The following CADPS variants were observed in gnomAD, a reference collection of about 807,000 sequenced individuals.
The protein encoded by CADPS is calcium dependent secretion activator.
In CADPS, 57 loss-of-function variants were observed where a neutral mutation model predicts 167.3. The observed-to-expected ratio is 0.34, with a 90% confidence interval of 0.28 to 0.42. CADPS has a LOEUF of 0.42. Ranked by LOEUF, CADPS falls within the 20% of genes least tolerant of loss-of-function variation. The probability of loss-of-function intolerance (pLI) is 1.00; values close to 1 mark genes in which losing one functional copy is unlikely to be tolerated. For missense variants in CADPS, 1,414 were observed against 1,738.1 expected (o/e 0.81, Z 3.32); for synonymous variants, 676 against 635.3 (o/e 1.06, Z -0.96).
intron 3 of CADPS, among the ~76,000 whole-genome samples, chr3:62,707,037 C>T (rs955909323): frequency 1.3e-5 from 2 of 152,056 alleles, no homozygotes; most frequent in African/African-American, 4.8e-5. Flanking sequence ...ATTCTATTAC[C>T]GGAAGTTAGG....
chr3:62,841,911 T>A (rs1177564213), intron 1 of CADPS, among the ~76,000 whole-genome samples: 3 of 152,206 alleles, frequency 2.0e-5, no homozygotes, highest in African/African-American at 7.2e-5. Flanking sequence ...AAGATTTTCT[T>A]CAAGTGAAAG....
chr3:62,762,656 C>CA (rs35231096), intron 2 of CADPS, among the ~76,000 whole-genome samples: 7,389 of 52,794 alleles, frequency 0.14, 340 homozygotes, highest in Middle Eastern at 0.18. Context: ...AACCCGGACT[C>CA]AAAAAAAAAA....
intron 1 of CADPS, chr3:62,779,131 G>A (rs536218849): frequency 2.8e-5 from 5 of 176,830 alleles, no homozygotes; most frequent in Middle Eastern, 5.8e-4. Context: ...CAGGTGATCC[G>A]CCTACCTCGG....
chr3:62,857,247 T>C (rs1014264142), intron 1 of CADPS, among the ~76,000 whole-genome samples: 2 of 152,000 alleles, frequency 1.3e-5, no homozygotes, highest in Non-Finnish European at 2.9e-5. Flanking sequence ...AAATAACGCA[T>C]CGAGTTGGCA....
chr3:62,805,055 G>T (rs114439787), intron 1 of CADPS, among the ~76,000 whole-genome samples: 123 of 152,288 alleles, frequency 8.1e-4, no homozygotes, highest in African/African-American at 2.9e-3. Context: ...ATAATTCTTT[G>T]TTGTGGGTGG....
intron 1 of CADPS, among the ~76,000 whole-genome samples, chr3:62,855,429 C>T (rs2079491930): frequency 6.6e-6 from 1 of 151,912 alleles, no homozygotes; most frequent in Admixed American, 6.6e-5. Flanking sequence ...ACTATGTTAT[C>T]ATGCCATGAT....
intron 6 of CADPS, among the ~76,000 whole-genome samples, chr3:62,628,879 C>T (rs1033892135): frequency 2.6e-5 from 4 of 152,084 alleles, no homozygotes; most frequent in African/African-American, 9.7e-5. Context: ...CCCGCCTCAG[C>T]CTCCCAAAGT....
chr3:62,655,651 G>A lies in CADPS; in HGVS notation c.970-4571C>T, dbSNP rs530832305. On this transcript the variant is annotated intron_variant, in intron 4 of 29. Transcript: ENST00000383710. ...GATGAATGGGGTATGTATAAATGAT[G>A]ACAAGGCTGCCCCCCTTCAGAGTGA... 2.0e-5 allele frequency among the ~76,000 whole-genome samples: 3 copies of A among 152,256 alleles called. No homozygotes were observed. The East Asian group carries it at 5.8e-4, about 29-fold the overall frequency.
chr3:62,861,971 C>T (rs936540930), intron 1 of CADPS, among the ~76,000 whole-genome samples: 1 of 151,874 alleles, frequency 6.6e-6, no homozygotes, highest in African/African-American at 2.4e-5. Context: ...GTTCAAATAC[C>T]ACTTCTTCCA....
intron 1 of CADPS, among the ~76,000 whole-genome samples, chr3:62,795,115 T>A (rs2093310810): frequency 6.6e-6 from 1 of 152,114 alleles, no homozygotes; most frequent in Non-Finnish European, 1.5e-5. Flanking sequence ...TAATTAAAGA[T>A]CTCTATATAC....
chr3:62,400,659 G>T (rs185497822), intron 29 of CADPS, among the ~76,000 whole-genome samples: 1 of 143,532 alleles, frequency 7.0e-6, no homozygotes, highest in East Asian at 2.1e-4. Context: ...GAGTGCAGCA[G>T]ATCGATCTCG....
At chr3:62,765,643 G>A (rs79776949) in intron 2 of CADPS, among the ~76,000 whole-genome samples, 3,191 of 152,282 alleles carry the variant, frequency 0.021, 58 homozygotes, top group South Asian at 0.062. Context: ...AAAACACTCA[G>A]TATATTGCCT....
intron 1 of CADPS, among the ~76,000 whole-genome samples, chr3:62,794,778 T>TAAAAAAAAAAAAAAAAAAAAA (rs71126555): frequency 1.0e-5 from 1 of 99,930 alleles, no homozygotes; most frequent in Non-Finnish European, 1.8e-5. Flanking sequence ...CGCAAGGTGG[T>TAAAAAAAAAAAAAAAAAAAAA]AAAAAAAAAA....
chr3:62,851,828 C>G (rs1257587468), intron 1 of CADPS, among the ~76,000 whole-genome samples: 6 of 151,228 alleles, frequency 4.0e-5, no homozygotes, highest in African/African-American at 1.5e-4. Flanking sequence ...GCCTGCCTTG[C>G]TAGATTGGGG....
chr3:62,417,427 GGT>G (rs1185113117), intron 28 of CADPS, among the ~76,000 whole-genome samples: 46 of 151,672 alleles, frequency 3.0e-4, no homozygotes, highest in Admixed American at 2.1e-3. Context: ...TGGGATTACA[GGT>G]GTGTGCCACC....
chr3:62,581,910 A>G (rs929713836), intron 8 of CADPS, among the ~76,000 whole-genome samples: 2 of 152,186 alleles, frequency 1.3e-5, no homozygotes, highest in Admixed American at 6.5e-5. Context: ...TTAGAAAGGC[A>G]TCTAGGAGTT....
intron 6 of CADPS, among the ~76,000 whole-genome samples, chr3:62,633,452 T>C (rs2065688486): frequency 6.6e-6 from 1 of 152,164 alleles, no homozygotes; most frequent in Non-Finnish European, 1.5e-5. Flanking sequence ...CCGTGAGATC[T>C]GGCCCCGCCA....
At chr3:62,797,523 A>G (rs2093500414) in intron 1 of CADPS, among the ~76,000 whole-genome samples, 1 of 152,318 alleles carries the variant, frequency 6.6e-6, no homozygotes, top group African/African-American at 2.4e-5. Context: ...AGAGACATGG[A>G]TGGAGCTGGA....
chr3:62,693,291 G>A (rs534028947), intron 3 of CADPS, among the ~76,000 whole-genome samples: 4 of 151,924 alleles, frequency 2.6e-5, no homozygotes, highest in South Asian at 2.1e-4. Flanking sequence ...ATTATTTTGT[G>A]TATTCACTTT....
Sources: allele counts gnomAD v4.1 joint callset (sites outside exome capture counted in the v4.1 genomes callset), GRCh38; gene constraint gnomAD v4.1.1; transcripts MANE v1.5; gene names NCBI Gene and HGNC (gene_info 2026-07-23, HGNC 2026-07-21).